Variants in RSU1 observed in about 807,000 individuals in gnomAD.
RSU1 encodes rsu-1.
In RSU1, 26 loss-of-function variants were observed where a neutral mutation model predicts 31.1. The ratio of observed to expected loss-of-function variants is 0.84; its 90% CI spans 0.61 to 1.16. RSU1 has a LOEUF of 1.16. RSU1 is among the 50% of genes most tolerant of loss of function. RSU1 has a pLI of 0.00. For synonymous variants in RSU1, 164 were observed against 136.3 expected, an observed-to-expected ratio of 1.20 and a Z score of -1.41; for missense variants, 320 against 339.1, an observed-to-expected ratio of 0.94 and a Z score of 0.44.
chr10:16,710,000 TG>T (rs1835984855), intron 7 of RSU1, among the ~76,000 whole-genome samples: 1 of 152,218 alleles, frequency 6.6e-6, no homozygotes, highest in Non-Finnish European at 1.5e-5. Context: ...CCAATTTGGA[TG>T]CCTTTTATAT....
chr10:16,693,659 G>A (rs1413783534), intron 8 of RSU1, among the ~76,000 whole-genome samples: 1 of 151,910 alleles, frequency 6.6e-6, no homozygotes, highest in East Asian at 1.9e-4. Context: ...CCAGGAGTTT[G>A]AGACCAGCCT....
intron 3 of RSU1, among the ~76,000 whole-genome samples, chr10:16,777,757 G>T: frequency 6.6e-6 from 1 of 152,308 alleles, no homozygotes; most frequent in South Asian, 2.1e-4. Flanking sequence ...TTAAGGAGCA[G>T]ACTAAAAAAG....
At chr10:16,647,309 A>C (rs879372325) in intron 8 of RSU1, among the ~76,000 whole-genome samples, 1 of 152,138 alleles carries the variant, frequency 6.6e-6, no homozygotes, top group Non-Finnish European at 1.5e-5. Flanking sequence ...TAGGTATGTA[A>C]AGTGGTTGCA....
chr10:16,683,229 A>T (rs145944179), intron 8 of RSU1, among the ~76,000 whole-genome samples: 4 of 147,868 alleles, frequency 2.7e-5, no homozygotes, highest in African/African-American at 9.9e-5. Flanking sequence ...ATTTAAACAC[A>T]CTGGCTCATA....
At chr10:16,645,912 ATATATATGTGTATATACACATATGTG>A (rs1834540473) in intron 8 of RSU1, among the ~76,000 whole-genome samples, 2 of 44,018 alleles carry the variant, frequency 4.5e-5, no homozygotes, top group East Asian at 4.4e-4. Context: ...ACATATATGT[ATATATATGTGTATATACACATATGTG>A]TATATATATG....
At chr10:16,635,483 G>A (rs1392266132) in intron 8 of RSU1, among the ~76,000 whole-genome samples, 1 of 152,202 alleles carries the variant, frequency 6.6e-6, no homozygotes, top group Admixed American at 6.5e-5. Context: ...ACCCTTAGCA[G>A]CCTACCATGC....
chr10:16,748,425 A>T (rs1836903032), intron 7 of RSU1: 1 of 151,986 alleles, frequency 6.6e-6, no homozygotes, highest in African/African-American at 2.4e-5. Flanking sequence ...GCCCCTTGTG[A>T]TTACACCGGG....
intron 7 of RSU1, among the ~76,000 whole-genome samples, chr10:16,744,412 A>G (rs1416487586): frequency 1.3e-5 from 2 of 152,198 alleles, no homozygotes; most frequent in African/African-American, 4.8e-5. Flanking sequence ...AAAATCCCCA[A>G]TGAAATAAGC....
chr10:16,638,651 G>A (rs1834388932), intron 8 of RSU1, among the ~76,000 whole-genome samples: 1 of 152,182 alleles, frequency 6.6e-6, no homozygotes, highest in East Asian at 1.9e-4. Context: ...ATATACAGAG[G>A]CTTTGCAAAC....
intron 7 of RSU1, among the ~76,000 whole-genome samples, chr10:16,717,584 A>C (rs1284703928): frequency 2.0e-5 from 3 of 152,150 alleles, no homozygotes; most frequent in Non-Finnish European, 4.4e-5. Context: ...ATAAATGTAC[A>C]TAACCTTCTT....
At chr10:16,782,997 G>A (rs996269492) in intron 2 of RSU1, among the ~76,000 whole-genome samples, 11 of 151,138 alleles carry the variant, frequency 7.3e-5, no homozygotes, top group Non-Finnish European at 1.0e-4. Context: ...TGTAACCTCC[G>A]CCTCCCAGGT....
chr10:16,779,069 T>C (rs1837599719), intron 3 of RSU1, among the ~76,000 whole-genome samples: 2 of 152,214 alleles, frequency 1.3e-5, no homozygotes, highest in South Asian at 2.1e-4. Flanking sequence ...AAAATTCACT[T>C]GCAACTATTC....
At chr10:16,641,046 T>C (rs1016871638) in intron 8 of RSU1, among the ~76,000 whole-genome samples, 11 of 152,224 alleles carry the variant, frequency 7.2e-5, no homozygotes, top group Admixed American at 3.9e-4. Context: ...AACTAGCTAA[T>C]GCATGTTGTG....
intron 8 of RSU1, among the ~76,000 whole-genome samples, chr10:16,621,365 C>T (rs191981091): frequency 6.9e-4 from 105 of 152,290 alleles, no homozygotes; most frequent in Middle Eastern, 6.8e-3. Context: ...AATATTAACA[C>T]TATGGACACT....
In RSU1 at chr10:16,593,474, C is replaced by A; in HGVS notation, c.754G>T (p.Ala252Ser). 1.2e-6 allele frequency: 2 copies of A among 1,613,948 alleles called. No individual in the cohort carries two copies. Among genetic ancestry groups the A allele is most frequent in the Non-Finnish European group, 1.7e-6 (2 of 1,179,970 alleles). Residue 252 changes from alanine (A) to serine (S), a missense_variant, in exon 9 of 9, where the codon GCC becomes TCC. Coordinates refer to ENST00000345264, the MANE Select transcript of RSU1 (RefSeq NM_012425.4). The part of the protein sequence containing the change: ...YKYLYGRHMQ[A>S]NPEPPKKNND... ...TTCTTCTTCGGTGGTTCTGGGTTGG[C>A]CTGCATGTGTCTGCCGTAGAGGCTG...
intron 7 of RSU1, among the ~76,000 whole-genome samples, chr10:16,729,963 T>C (rs1417699547): frequency 1.3e-5 from 2 of 152,204 alleles, no homozygotes; most frequent in Admixed American, 6.5e-5. Flanking sequence ...CTGGGTAATT[T>C]ACAAAGAAAA....
chr10:16,639,263 A>G (rs939493506), intron 8 of RSU1, among the ~76,000 whole-genome samples: 2 of 152,232 alleles, frequency 1.3e-5, no homozygotes, highest in Non-Finnish European at 2.9e-5. Flanking sequence ...CATAAAGCTG[A>G]AAGCAGCTTA....
At chr10:16,812,433 C>T (rs1053549823) in intron 2 of RSU1, among the ~76,000 whole-genome samples, 1 of 152,136 alleles carries the variant, frequency 6.6e-6, no homozygotes, top group African/African-American at 2.4e-5. Flanking sequence ...CAGAGCAAGA[C>T]TCCATCTCAA....
chr10:16,622,169 C>T lies in RSU1; in HGVS notation c.732-28673G>A, dbSNP rs568608608. ...TGTTTCAATATGACAAAATACCTCC[C>T]CTGAAAAAGTGTTTCTGTGCTTACT... On this transcript the variant is annotated intron_variant, in intron 8 of 8. Transcript: ENST00000345264. Among the ~76,000 whole-genome samples the T allele has an allele frequency of 7.9e-5, 12 of 152,222 alleles. No individual in the cohort carries two copies. The South Asian group carries it at 2.3e-3, about 29-fold the overall frequency.
Sources: allele counts gnomAD v4.1 joint callset (sites outside exome capture counted in the v4.1 genomes callset), GRCh38; gene constraint gnomAD v4.1.1; transcripts MANE v1.5; gene names NCBI Gene and HGNC (gene_info 2026-07-23, HGNC 2026-07-21).